Variants in MSI2 observed in about 807,000 individuals in gnomAD.
The protein encoded by MSI2 is musashi RNA binding protein 2, also known as RNA-binding protein Musashi homolog 2.
In MSI2, 17 loss-of-function variants were observed where a neutral mutation model predicts 45.6. That is an observed-to-expected ratio of 0.37 (90% CI 0.26 to 0.56). The LOEUF is 0.56. MSI2 is among the 20% of genes least tolerant of loss of function. The probability of loss-of-function intolerance (pLI) is 0.77; values close to 1 mark genes in which losing one functional copy is unlikely to be tolerated. For missense variants in MSI2, 293 were observed against 444.2 expected (o/e 0.66, Z 3.06); for synonymous variants, 156 against 158.2 (o/e 0.99, Z 0.11).
At chr17:57,314,262 C>T (rs1912656329) in intron 5 of MSI2, among the ~76,000 whole-genome samples, 1 of 152,170 alleles carries the variant, frequency 6.6e-6, no homozygotes, top group Non-Finnish European at 1.5e-5. Context: ...TCTGTCAAGA[C>T]CGTATCTCTA....
rs548102350 is a variant in MSI2 at position 57,280,735 on chromosome 17, T to C, written c.312+18543T>C. Among the ~76,000 whole-genome samples, 69 of 152,310 alleles carry C rather than the reference T, an allele frequency of 4.5e-4. No individual in the cohort carries two copies. Among genetic ancestry groups the C allele is most frequent in the African/African-American group, 1.7e-3 (69 of 41,562 alleles). On this transcript the variant is annotated intron_variant, in intron 5 of 13. Coordinates refer to ENST00000284073, the MANE Select transcript of MSI2 (RefSeq NM_138962.4). This position sits in a 1 kb window ranked among gnomAD's most constrained non-coding sequence, Gnocchi z 4.2. ...AGCTTGCACTGTATACATATTTATT[T>C]ATAAATGACATACATATACTTCTGT... is the stretch of plus-strand genomic sequence containing the variant.
chr17:57,381,641 C>T (rs909847718), intron 5 of MSI2, among the ~76,000 whole-genome samples: 19 of 152,198 alleles, frequency 1.2e-4, no homozygotes, highest in African/African-American at 4.6e-4. Flanking sequence ...TCTTAATGCA[C>T]GTGGGCATGG....
chr17:57,603,342 G>T (rs538818226), intron 8 of MSI2, among the ~76,000 whole-genome samples: 21 of 152,332 alleles, frequency 1.4e-4, no homozygotes, highest in African/African-American at 4.3e-4. Context: ...GTCGGGACCT[G>T]CTGGGTCACT....
intron 7 of MSI2, among the ~76,000 whole-genome samples, chr17:57,578,870 T>A (rs1444037224): frequency 1.3e-5 from 2 of 152,158 alleles, no homozygotes; most frequent in African/African-American, 2.4e-5. Context: ...CCCTCCTCTT[T>A]GATAAGCCCA....
intron 6 of MSI2, among the ~76,000 whole-genome samples, chr17:57,463,030 G>A (rs1410424695): frequency 6.6e-6 from 1 of 152,228 alleles, no homozygotes. Context: ...CAGGATTAAG[G>A]AGCTGCAGTT....
intron 5 of MSI2, among the ~76,000 whole-genome samples, chr17:57,353,613 A>T (rs573578689): frequency 1.2e-4 from 18 of 152,272 alleles, no homozygotes; most frequent in African/African-American, 4.3e-4. Context: ...CTCTTGTAGG[A>T]GCATTTGCTG....
At chr17:57,356,894 G>A (rs1288909606) in intron 5 of MSI2, among the ~76,000 whole-genome samples, 2 of 152,180 alleles carry the variant, frequency 1.3e-5, no homozygotes, top group Admixed American at 1.3e-4. Context: ...GTGATTAGCA[G>A]CTGCTTTCGG....
intron 6 of MSI2, among the ~76,000 whole-genome samples, chr17:57,521,710 C>T (rs117064103): frequency 1.1e-3 from 165 of 152,272 alleles, no homozygotes; most frequent in South Asian, 2.9e-3. Flanking sequence ...CCATTTAGAA[C>T]GGTGGGTCTC....
At chr17:57,376,844 C>T (rs1386696825) in intron 5 of MSI2, among the ~76,000 whole-genome samples, 3 of 152,102 alleles carry the variant, frequency 2.0e-5, no homozygotes, top group Non-Finnish European at 2.9e-5. Flanking sequence ...TCCCACCTTC[C>T]CCTGGGTTCC....
chr17:57,309,768 T>C (rs753657577), intron 5 of MSI2, among the ~76,000 whole-genome samples: 2 of 152,010 alleles, frequency 1.3e-5, no homozygotes, highest in Non-Finnish European at 2.9e-5. Context: ...AGGGCCCTAC[T>C]TGGGGAGTCT....
Position 57,652,111 on chromosome 17 carries a change from C to T in MSI2, c.740C>T (p.Ala247Val), listed in dbSNP as rs753961064. The T allele has an allele frequency of 3.7e-6, 6 of 1,613,938 alleles. No individual in the cohort carries two copies. The highest frequency in any genetic ancestry group is 2.7e-5 in the African/African-American group (2 of 74,912). ...YGYQFPGFPA[A>V]AYGPVAAAAV... ...CTCTCCTGACCAGGCTTCCCAGCAGCGGCTTATGGACCAGTGGCAGCAGCG... is the reference window on the plus strand; with the variant it reads ...CTCTCCTGACCAGGCTTCCCAGCAGTGGCTTATGGACCAGTGGCAGCAGCG... Residue 247 changes from alanine (A) to valine (V), a missense_variant, in exon 11 of 14, where the codon GCG becomes GTG. Physicochemically the swap from Ala to Val is moderately conservative, Grantham distance 64. Coordinates refer to ENST00000284073, the MANE Select transcript of MSI2 (RefSeq NM_138962.4). This position sits in a 1 kb window ranked among gnomAD's most constrained non-coding sequence, Gnocchi z 4.1.
rs139590310 is a variant in MSI2 at position 57,620,038 on chromosome 17, T to G, written c.652+3954T>G. 1.8e-4 allele frequency among the ~76,000 whole-genome samples: 28 copies of G among 152,300 alleles called. No homozygotes were observed. The East Asian group carries it at 5.4e-3, about 29-fold the overall frequency. ...GCCCAACCCCAGGTCACAGAGGCAC[T>G]AGTCTTCTTCTAACCAAGTAGAGAA... On this transcript the variant is annotated intron_variant, in intron 9 of 13. Coordinates refer to ENST00000284073, the MANE Select transcript of MSI2 (RefSeq NM_138962.4).
At chr17:57,574,285 T>C (rs2087956110) in intron 7 of MSI2, among the ~76,000 whole-genome samples, 1 of 152,236 alleles carries the variant, frequency 6.6e-6, no homozygotes, top group Non-Finnish European at 1.5e-5. Flanking sequence ...CTCTCGTCAC[T>C]ATTTGGTTAT....
Position 57,596,555 on chromosome 17 carries a change from G to T in MSI2, c.455-313G>T, listed in dbSNP as rs979208772. 5.3e-5 allele frequency among the ~76,000 whole-genome samples: 8 copies of T among 152,244 alleles called. No homozygotes were observed. Among genetic ancestry groups the T allele is most frequent in the African/African-American group, 9.6e-5 (4 of 41,476 alleles). On this transcript the variant is annotated intron_variant, in intron 7 of 13. Coordinates refer to ENST00000284073, the MANE Select transcript of MSI2 (RefSeq NM_138962.4). The surrounding 1 kb of genome is among the most constrained non-coding windows in gnomAD (Gnocchi z 4.6). ...GGTTAGCCCACCCGCCTGCTGCCGT[G>T]CACAGAGCCGCGGGGCTCTGACCCT...
chr17:57,565,333 A>G (rs530880045), intron 7 of MSI2, among the ~76,000 whole-genome samples: 79 of 152,306 alleles, frequency 5.2e-4, no homozygotes, highest in African/African-American at 1.7e-3. Context: ...CTCACGCTGT[A>G]CCATTCCCTG....
At chr17:57,494,515 C>T (rs1861473) in intron 6 of MSI2, among the ~76,000 whole-genome samples, 1 of 152,146 alleles carries the variant, frequency 6.6e-6, no homozygotes, top group Non-Finnish European at 1.5e-5. Flanking sequence ...ACATAAGGAC[C>T]TGCGTTTGGT....
chr17:57,284,964 CA>C (rs1224312520), intron 5 of MSI2, among the ~76,000 whole-genome samples: 2 of 151,480 alleles, frequency 1.3e-5, no homozygotes, highest in Non-Finnish European at 2.9e-5. Context: ...TGGAGCTTAG[CA>C]GTGATCAGTT....
intron 5 of MSI2, among the ~76,000 whole-genome samples, chr17:57,357,932 G>T (rs1340462901): frequency 6.6e-6 from 1 of 152,046 alleles, no homozygotes; most frequent in Non-Finnish European, 1.5e-5. Flanking sequence ...ATCCAGCCAG[G>T]ATCTCTGTAC....
intron 5 of MSI2, among the ~76,000 whole-genome samples, chr17:57,308,096 G>A (rs1461002100): frequency 6.6e-6 from 1 of 152,164 alleles, no homozygotes; most frequent in African/African-American, 2.4e-5. Flanking sequence ...TGGAGTCCTG[G>A]CCCCACCATT....
Sources: allele counts gnomAD v4.1 joint callset (sites outside exome capture counted in the v4.1 genomes callset), GRCh38; gene constraint gnomAD v4.1.1; non-coding constraint Gnocchi (gnomAD v3.1); transcripts MANE v1.5; gene names NCBI Gene and HGNC (gene_info 2026-07-23, HGNC 2026-07-21).